Variants in SFXN2 observed in about 807,000 individuals in gnomAD.
SFXN2 encodes sideroflexin 2.
Under a neutral mutation model 41.9 loss-of-function variants are expected in SFXN2, and 37 were observed. The observed-to-expected ratio is 0.88, with a 90% CI of 0.68 to 1.16. The LOEUF is 1.16. Ranked by LOEUF, SFXN2 falls within the 50% of genes most tolerant of loss-of-function variation. SFXN2 has a pLI of 0.00. For synonymous variants in SFXN2, 150 were observed against 156.7 expected (o/e 0.96, Z 0.32); for missense variants, 386 against 425.2 (o/e 0.91, Z 0.81).
At position 102,739,224 on chromosome 10, in the gene SFXN2, G is replaced by C. The variant is rs2064821947; in HGVS notation, c.*1462G>C. On this transcript the variant is annotated 3_prime_UTR_variant, in exon 12 of 12. Transcript: ENST00000369893. ...AAACTAAGTTAATGAAGCCTGAATG[G>C]AAAGCAGGATCTGGCCTTACTTTGG... 1 of 152,260 alleles carries C rather than the reference G, an allele frequency of 6.6e-6. No homozygotes were observed. The highest frequency in any genetic ancestry group is 2.4e-5 in the African/African-American group (1 of 41,464). The allele number at this position is 152,260 out of a possible 1,614,324, so 9.4% of individuals were successfully genotyped here. A position where few individuals can be genotyped will look rare whatever the true frequency, so the allele number is the denominator to read the frequency against.
chr10:102,726,434 A>G, intron 1 of SFXN2, 178 bp from the exon 2 acceptor site: 1 of 611,750 alleles, frequency 1.6e-6, no homozygotes, highest in Admixed American at 3.0e-5. Context: ...CCCTCAGGAA[A>G]CACATGTTGG....
intron 1 of SFXN2, among the ~76,000 whole-genome samples, chr10:102,724,700 CA>C (rs908925899): frequency 2.7e-4 from 39 of 142,210 alleles, no homozygotes; most frequent in African/African-American, 3.9e-4. Context: ...GACTCCGTCT[CA>C]AAAAAAAAAA....
Position 102,737,834 on chromosome 10 carries a change from G to T in SFXN2, c.*72G>T. The T allele has an allele frequency of 9.1e-7, 1 of 1,099,772 alleles. No homozygotes were observed. The highest frequency in any genetic ancestry group is 2.4e-5 in the East Asian group (1 of 41,272). 68.1% of individuals were successfully genotyped at this position (1,099,772 alleles called of 1,614,324 possible). ...CCTCCTTAGCTACGTGCACACTTGTGTCCTCCTTCCCCTTTGCCAACAAGG... is the reference window on the plus strand; with the variant it reads ...CCTCCTTAGCTACGTGCACACTTGTTTCCTCCTTCCCCTTTGCCAACAAGG... On this transcript the variant is annotated 3_prime_UTR_variant, in exon 12 of 12. Transcript: ENST00000369893.
chr10:102,735,999 G>T, intron 11 of SFXN2, 90 bp downstream of exon 11: 1 of 1,247,866 alleles, frequency 8.0e-7, no homozygotes, highest in Non-Finnish European at 1.2e-6. Flanking sequence ...AGACAGGGAA[G>T]GGGCAGGAAG....
In SFXN2 at chr10:102,723,511, C is replaced by T. The variant is rs1399091110; in HGVS notation, c.-25-3101C>T. Among the ~76,000 whole-genome samples, 7 of 152,166 alleles carry T rather than the reference C, an allele frequency of 4.6e-5. No homozygotes were observed. The East Asian group carries it at 9.6e-4, about 21-fold the overall frequency. On this transcript the variant is annotated intron_variant, in intron 1 of 11. Transcript: ENST00000369893. ...AGGTGATCCAACCGCCTCGGCCTCC[C>T]AAAGTGTTGGGATTACAGGTGTGAG... is the stretch of plus-strand genomic sequence containing the variant.
In SFXN2 at chr10:102,742,818, A is replaced by G. The variant is rs529954222; in HGVS notation, c.*5056A>G. ...CTGGTTGAGCCTTGTACAGGATATT[A>G]TAGGCTTTAAAAGAAGAAGAAGAAA... On this transcript the variant is annotated 3_prime_UTR_variant, in exon 12 of 12. Transcript: ENST00000369893. 1.2e-4 allele frequency: 18 copies of G among 152,294 alleles called. No homozygotes were observed. The highest frequency in any genetic ancestry group is 4.1e-4 in the African/African-American group (17 of 41,558). 9.4% of individuals were successfully genotyped at this position (152,294 alleles called of 1,614,324 possible).
chr10:102,729,516 TG>T, intron 5 of SFXN2, 122 bp downstream of exon 5: 1 of 1,265,790 alleles, frequency 7.9e-7, no homozygotes. Flanking sequence ...AGAGCCCGGC[TG>T]GCCAAGTGAT....
At chr10:102,736,018 C>T in intron 11 of SFXN2, 109 bp downstream of exon 11, 2 of 1,075,668 alleles carry the variant, frequency 1.9e-6, no homozygotes, top group Non-Finnish European at 2.9e-6. Flanking sequence ...AGGGCAGCAC[C>T]TGTCTGAGGA....
chr10:102,724,022 C>T (rs887599955), intron 1 of SFXN2, among the ~76,000 whole-genome samples: 3 of 152,084 alleles, frequency 2.0e-5, no homozygotes, highest in Non-Finnish European at 4.4e-5. Context: ...CTGTTGCTCC[C>T]GTTTTTGTGT....
At chr10:102,735,734 G>A in intron 10 of SFXN2, 128 bp from the exon 11 acceptor site, 1 of 890,572 alleles carries the variant, frequency 1.1e-6, no homozygotes, top group Non-Finnish European at 1.9e-6. Flanking sequence ...GGGTTGGAGG[G>A]AGAGGATATG....
At chr10:102,733,730 T>A in intron 10 of SFXN2, 127 bp downstream of exon 10, 1 of 783,484 alleles carries the variant, frequency 1.3e-6, no homozygotes, top group Non-Finnish European at 2.2e-6. Flanking sequence ...AAGCTCAGAA[T>A]ACCTGTGGTC....
In SFXN2 at chr10:102,740,961, A is replaced by T. The variant is rs1331919212; in HGVS notation, c.*3199A>T. On this transcript the variant is annotated 3_prime_UTR_variant, in exon 12 of 12. Transcript: ENST00000369893. ...AGCCTCTTGGATTTCCTGTTCTCTT[A>T]TAGACAACTGCTCTTTTGGAAATGT... The T allele has an allele frequency of 6.6e-6, 1 of 152,198 alleles. No homozygotes were observed. Among genetic ancestry groups the T allele is most frequent in the African/African-American group, 2.4e-5 (1 of 41,440 alleles). The allele number at this position is 152,198 out of a possible 1,614,324, so 9.4% of individuals were successfully genotyped here.
intron 9 of SFXN2, 85 bp downstream of exon 9, chr10:102,732,993 C>G: frequency 7.4e-7 from 1 of 1,359,824 alleles, no homozygotes; most frequent in Non-Finnish European, 1.1e-6. Context: ...CTGCCCTCCC[C>G]CACCCATCCT....
At chr10:102,729,292 C>T in intron 4 of SFXN2, 27 bp from the exon 5 acceptor site, 9 of 1,612,078 alleles carry the variant, frequency 5.6e-6, no homozygotes, top group South Asian at 1.1e-5. Flanking sequence ...AGGGGCCCCA[C>T]TCCCAAGCAT....
chr10:102,717,681 T>C lies in SFXN2; in HGVS notation c.-26+3000T>C, dbSNP rs997306260. 38 of 839,440 alleles carry C rather than the reference T, an allele frequency of 4.5e-5. No homozygotes were observed. The African/African-American group carries it at 6.1e-4, about 13-fold the overall frequency. The allele number at this position is 839,440 out of a possible 1,614,324, so 52.0% of individuals were successfully genotyped here. On this transcript the variant is annotated intron_variant, in intron 1 of 11. Transcript: ENST00000369893. ...TTTTGCAACTTCATGAAAGAAAGCG[T>C]GCTCTTAATTCTGTAACCTAGGCAG...
Position 102,727,138 on chromosome 10 carries a change from T to G in SFXN2, c.313T>G (p.Phe105Val). The G allele has an allele frequency of 6.2e-7, 1 of 1,602,620 alleles. No individual in the cohort carries two copies. Among genetic ancestry groups the G allele is most frequent in the South Asian group, 1.1e-5 (1 of 90,890 alleles). The change falls in exon 3 of 12, where the codon TTC becomes GTC. Residue 105 changes from phenylalanine to valine, a missense_variant. Phe to Val is a conservative substitution (Grantham distance 50). Coordinates refer to ENST00000369893, the MANE Select transcript of SFXN2 (RefSeq NM_178858.6). ...QLPGGMIITG[F>V]MLQFYRTMPA... Reference sequence around the variant, plus strand: ...TCCTGGCGGCATGATCATCACGGGCTTCATGCTCCAGTTCTACAGGTGGGA... The same window carrying G: ...TCCTGGCGGCATGATCATCACGGGCGTCATGCTCCAGTTCTACAGGTGGGA...
intron 7 of SFXN2, 135 bp downstream of exon 7, chr10:102,731,918 T>A: frequency 1.2e-6 from 1 of 811,672 alleles, no homozygotes; most frequent in Non-Finnish European, 2.0e-6. Context: ...CCTATCAAAT[T>A]TTCCCCATGT....
At chr10:102,732,831 C>G (rs2064722894) in intron 8 of SFXN2, 28 bp from the exon 9 acceptor site, 1 of 1,613,856 alleles carries the variant, frequency 6.2e-7, no homozygotes, top group South Asian at 1.1e-5. Flanking sequence ...CCCAGCCCTC[C>G]CCTCAGCTTC....
chr10:102,720,480 T>A (rs1047248231), intron 1 of SFXN2, among the ~76,000 whole-genome samples: 32 of 151,630 alleles, frequency 2.1e-4, no homozygotes, highest in African/African-American at 7.8e-4. Context: ...TGTTGGCACA[T>A]GCCTGTGGTC....
Sources: allele counts gnomAD v4.1 joint callset (sites outside exome capture counted in the v4.1 genomes callset), GRCh38; gene constraint gnomAD v4.1.1; transcripts MANE v1.5; gene names NCBI Gene and HGNC (gene_info 2026-07-23, HGNC 2026-07-21).